The following ZNF287 variants were observed in gnomAD, a reference collection of about 807,000 sequenced individuals.
ZNF287 encodes zinc finger protein 287.
Under a neutral mutation model 73.7 loss-of-function variants are expected in ZNF287, and 31 were observed. The ratio of observed to expected loss-of-function variants is 0.42; its 90% confidence interval spans 0.32 to 0.57. The LOEUF (loss-of-function observed/expected upper bound fraction) is 0.57, where lower values mean the gene tolerates loss of function less well. Among genes scored for constraint, ZNF287 ranks in the 20% least tolerant of loss-of-function variants. The pLI is 0.13. For missense variants in ZNF287, 641 were observed against 909.3 expected (o/e 0.70, Z 3.79); for synonymous variants, 301 against 307.2 (o/e 0.98, Z 0.21).
intron 3 of ZNF287, among the ~76,000 whole-genome samples, chr17:16,565,475 G>C (rs890515790): frequency 6.6e-6 from 1 of 150,684 alleles, no homozygotes; most frequent in African/African-American, 2.4e-5. Flanking sequence ...ATTGATTTTT[G>C]CATGTCATTT....
chr17:16,556,286 T>C (rs1246383480), intron 5 of ZNF287, among the ~76,000 whole-genome samples: 1 of 152,200 alleles, frequency 6.6e-6, no homozygotes, highest in Non-Finnish European at 1.5e-5. Flanking sequence ...AATTACTTTT[T>C]TTACTTTTAT....
chr17:16,548,524 G>A lies in ZNF287; in HGVS notation c.*3332C>T, dbSNP rs867416560. Among the ~76,000 whole-genome samples the A allele has an allele frequency of 1.3e-5, 2 of 152,268 alleles. No individual in the cohort carries two copies. The highest frequency in any genetic ancestry group is 2.1e-4 in the South Asian group (1 of 4,824). ...CTTAAAGAGGAAAAACTGTCCGGGC[G>A]CGGTGGTTCACGCCTGTAATGCCAG... is the stretch of plus-strand genomic sequence containing the variant. On this transcript the variant is annotated 3_prime_UTR_variant, in exon 6 of 6. Coordinates refer to ENST00000395825, the MANE Select transcript of ZNF287 (RefSeq NM_020653.4).
Position 16,563,657 on chromosome 17 carries a change from TG to T in ZNF287, c.628+41del, listed in dbSNP as rs773089197. ...TGTCTGAGGACCAACCCATTTTTAA[TG>T]GGAACAGGCTCGGAGGAGGAGGGAT... On this transcript the variant is annotated intron_variant, in intron 4 of 5. Transcript: ENST00000395825. The T allele has an allele frequency of 5.1e-6, 8 of 1,577,284 alleles. No individual in the cohort carries two copies. The Admixed American group carries it at 1.5e-4, about 29-fold the overall frequency.
intron 5 of ZNF287, chr17:16,559,150 G>T (rs765605689): frequency 4.6e-5 from 7 of 152,026 alleles, no homozygotes; most frequent in Non-Finnish European, 1.0e-4. Flanking sequence ...CAATGATCAT[G>T]GTTACCTATA....
intron 2 of ZNF287, among the ~76,000 whole-genome samples, chr17:16,567,105 G>T (rs1019210867): frequency 3.3e-5 from 5 of 152,146 alleles, no homozygotes; most frequent in African/African-American, 1.2e-4. Context: ...ATGTGTGTTT[G>T]CTCCCAAGCA....
chr17:16,567,971 G>A, intron 1 of ZNF287, 42 bp from the exon 2 acceptor site: 1 of 1,381,470 alleles, frequency 7.2e-7, no homozygotes, highest in Non-Finnish European at 9.4e-7. Context: ...AATCCCTGGT[G>A]TACTCTACTA....
At position 16,549,077 on chromosome 17, in the gene ZNF287, C is replaced by T. The variant is rs1021944772; in HGVS notation, c.*2779G>A. Among the ~76,000 whole-genome samples the T allele has an allele frequency of 8.6e-5, 13 of 151,744 alleles. No individual in the cohort carries two copies. Among genetic ancestry groups the T allele is most frequent in the South Asian group, 8.3e-4 (4 of 4,822 alleles). Reference sequence around the variant, plus strand: ...TTCCAATGTTTGGTTAAAAAAAATACGGCAGAATGTTAGTTTTTAAATTTA... The same window carrying T: ...TTCCAATGTTTGGTTAAAAAAAATATGGCAGAATGTTAGTTTTTAAATTTA... On this transcript the variant is annotated 3_prime_UTR_variant, in exon 6 of 6. Coordinates refer to ENST00000395825, the MANE Select transcript of ZNF287 (RefSeq NM_020653.4).
Position 16,567,602 on chromosome 17 carries a change from C to G in ZNF287, c.130G>C (p.Asp44His). The G allele has an allele frequency of 1.9e-6, 3 of 1,614,204 alleles. No individual in the cohort carries two copies. In the South Asian group the frequency reaches 3.3e-5, roughly 18 times the overall value. Residue 44 changes from aspartate (D) to histidine (H), a missense_variant, in exon 2 of 6, where the codon GAC (aspartate) becomes CAC (histidine). Physicochemically the swap from Asp to His is moderately conservative, Grantham distance 81. Coordinates refer to ENST00000395825, the MANE Select transcript of ZNF287 (RefSeq NM_020653.4). ...KEILTSRFLRDTETCRQNFRN... is the reference protein window; with the variant it reads ...KEILTSRFLRHTETCRQNFRN... Reference sequence around the variant, plus strand: ...AAATTCTGTCGACAGGTCTCAGTGTCACGCAAGAATCTTGAAGTAAGGATT... The same window carrying G: ...AAATTCTGTCGACAGGTCTCAGTGTGACGCAAGAATCTTGAAGTAAGGATT...
At position 16,563,730 on chromosome 17, in the gene ZNF287, C is replaced by T. The variant is rs368858766; in HGVS notation, c.597G>A (p.Thr199=). 39 of 1,613,552 alleles carry T rather than the reference C, an allele frequency of 2.4e-5. No homozygotes were observed. The Middle Eastern group carries it at 4.9e-4, about 20-fold the overall frequency. Residue 199 remains threonine, a synonymous_variant, in exon 4 of 6, where the codon ACG becomes ACA. Transcript: ENST00000395825. ...AAACCATGTTCCAATAGTTCTGTAA[C>T]GTCACAGTCTTGTATAATTCCTTCT... The part of the protein sequence containing the change: ...PVQKELYKTV[T]LQNYWNMVSL...
intron 2 of ZNF287, 30 bp downstream of exon 2, chr17:16,567,299 T>C: frequency 6.3e-7 from 1 of 1,582,752 alleles, no homozygotes; most frequent in South Asian, 1.2e-5. Context: ...CACCCAGGGA[T>C]TCCTCCCCTC....
In ZNF287 at chr17:16,553,536, A is replaced by C. The variant is rs1001807791; in HGVS notation, c.716-110T>G. Reference sequence around the variant, plus strand: ...AAAATGCCCAAAGACAACAGCTCTGAAAACCTCATCATCATGGTCTTTAAA... The same window carrying C: ...AAAATGCCCAAAGACAACAGCTCTGCAAACCTCATCATCATGGTCTTTAAA... On this transcript the variant is annotated intron_variant, in intron 5 of 5. Coordinates refer to ENST00000395825, the MANE Select transcript of ZNF287 (RefSeq NM_020653.4). 6 of 849,004 alleles carry C rather than the reference A, an allele frequency of 7.1e-6. No individual in the cohort carries two copies. In the Admixed American group the frequency reaches 1.1e-4, roughly 15 times the overall value. 52.6% of individuals were successfully genotyped at this position (849,004 alleles called of 1,614,324 possible).
rs934170303 is a variant in ZNF287, at chr17:16,549,738, T to C, written c.*2118A>G. On this transcript the variant is annotated 3_prime_UTR_variant, in exon 6 of 6. Transcript: ENST00000395825. Reference sequence around the variant, plus strand: ...GTTGCATGGTTAATACATGCTTAAATTGATATTTATAGCACCAGAATTGAT... The same window carrying C: ...GTTGCATGGTTAATACATGCTTAAACTGATATTTATAGCACCAGAATTGAT... Among the ~76,000 whole-genome samples the C allele has an allele frequency of 2.0e-5, 3 of 152,224 alleles. No homozygotes were observed. Among genetic ancestry groups the C allele is most frequent in the Admixed American group, 2.0e-4 (3 of 15,288 alleles).
chr17:16,563,963 A>C (rs574324789), intron 3 of ZNF287, 138 bp from the exon 4 acceptor site: 1 of 955,302 alleles, frequency 1.0e-6, no homozygotes, highest in East Asian at 2.9e-5. Context: ...TCTAGTCAAA[A>C]CCCTCCCCTG....
At chr17:16,555,189 A>AT (rs997745606) in intron 5 of ZNF287, among the ~76,000 whole-genome samples, 1 of 151,988 alleles carries the variant, frequency 6.6e-6, no homozygotes, top group Non-Finnish European at 1.5e-5. Context: ...ATGTATATAT[A>AT]TTTTTTTCCT....
At chr17:16,560,203 C>T (rs1907335817) in intron 5 of ZNF287, among the ~76,000 whole-genome samples, 1 of 151,672 alleles carries the variant, frequency 6.6e-6, no homozygotes, top group African/African-American at 2.4e-5. Context: ...CTCAAGTGAT[C>T]CACCTACCTT....
At chr17:16,563,902 T>C in intron 3 of ZNF287, 77 bp from the exon 4 acceptor site, 1 of 1,521,334 alleles carries the variant, frequency 6.6e-7, no homozygotes, top group Non-Finnish European at 8.9e-7. Context: ...GGTATATGTA[T>C]GGTGGGGGAC....
Position 16,549,825 on chromosome 17 carries a change from A to AT in ZNF287, c.*2030dup, listed in dbSNP as rs768366541. On this transcript the variant is annotated 3_prime_UTR_variant, in exon 6 of 6. Coordinates refer to ENST00000395825, the MANE Select transcript of ZNF287 (RefSeq NM_020653.4). The stretch of plus-strand genomic sequence containing the variant: ...GTACAAAGATGTCCCAGGAAACCTG[A>AT]TTCACGATTTTTAAGCAGTTCCCAA... Among the ~76,000 whole-genome samples, 1 of 152,202 alleles carries AT rather than the reference A, an allele frequency of 6.6e-6. No individual in the cohort carries two copies. The highest frequency in any genetic ancestry group is 1.5e-5 in the Non-Finnish European group (1 of 68,028).
chr17:16,563,691 A>G lies in ZNF287; in HGVS notation c.628+8T>C. On this transcript the variant is annotated splice_region_variant and intron_variant, in intron 4 of 5. Coordinates refer to ENST00000395825, the MANE Select transcript of ZNF287 (RefSeq NM_020653.4). ...GCTCGGAGGAGGAGGGATGCAGATG[A>G]TCCTTACCCAGAGAAACCATGTTCC... 6.2e-7 allele frequency: 1 copy of G among 1,611,174 alleles called. No individual in the cohort carries two copies. Among genetic ancestry groups the G allele is most frequent in the Non-Finnish European group, 8.5e-7 (1 of 1,178,490 alleles).
At position 16,551,567 on chromosome 17, in the gene ZNF287, G is replaced by A. The variant is rs1187668834; in HGVS notation, c.*289C>T. On this transcript the variant is annotated 3_prime_UTR_variant, in exon 6 of 6. Transcript: ENST00000395825. ...ATCCCCCGAGTATACCAAAGGATAA[G>A]TGTACTTGAAATAGAGAGTTGATGA... The A allele has an allele frequency of 6.0e-6, 2 of 335,122 alleles. No individual in the cohort carries two copies. The highest frequency in any genetic ancestry group is 4.3e-5 in the African/African-American group (2 of 46,810). The allele number at this position is 335,122 out of a possible 1,614,324, so 20.8% of individuals were successfully genotyped here.
Sources: allele counts gnomAD v4.1 joint callset (sites outside exome capture counted in the v4.1 genomes callset), GRCh38; gene constraint gnomAD v4.1.1; transcripts MANE v1.5; gene names NCBI Gene and HGNC (gene_info 2026-07-23, HGNC 2026-07-21).